The following SEM1 variants were observed in gnomAD, a reference collection of about 807,000 sequenced individuals.
SEM1 encodes SEM1 26S proteasome subunit.
In SEM1, 3 loss-of-function variants were observed where a neutral mutation model predicts 12.7. The ratio of observed to expected loss-of-function variants is 0.24; its 90% CI spans 0.11 to 0.61. The LOEUF (loss-of-function observed/expected upper bound fraction) is 0.61. Among genes scored for constraint, SEM1 ranks in the 20% least tolerant of loss-of-function variants. SEM1 has a pLI of 0.88. For synonymous variants in SEM1, 30 were observed against 27.8 expected (o/e 1.08, Z -0.25); for missense variants, 59 against 81.3 (o/e 0.73, Z 1.06).
intron 2 of SEM1, among the ~76,000 whole-genome samples, chr7:96,662,109 T>A (rs1252193364): frequency 6.6e-6 from 1 of 151,594 alleles, no homozygotes; most frequent in East Asian, 2.0e-4. Context: ...TGGCAGACAC[T>A]ATGGCGATTC....
rs61358949 is a variant in SEM1, at chr7:96,600,102, T to A, written c.171-93404A>T. Among the ~76,000 whole-genome samples, 602 of 152,318 alleles carry A rather than the reference T, an allele frequency of 4.0e-3. 7 individuals carry two copies. Among genetic ancestry groups the A allele is most frequent in the African/African-American group, 0.013 (557 of 41,574 alleles). Reference sequence around the variant, plus strand: ...GGAACTTTAAAAATGTGAATTTACATACTTTTAAATGCCATTTCTGATTTG... The same window carrying A: ...GGAACTTTAAAAATGTGAATTTACAAACTTTTAAATGCCATTTCTGATTTG... On this transcript the variant is annotated intron_variant and NMD_transcript_variant, in intron 2 of 3. Coordinates refer to the SEM1 transcript ENST00000466986.
chr7:96,511,009 A>C (rs1293815809), intron 2 of SEM1, among the ~76,000 whole-genome samples: 1 of 152,126 alleles, frequency 6.6e-6, no homozygotes, highest in Non-Finnish European at 1.5e-5. Context: ...CAGCCACTGG[A>C]ACCACCATCA....
In SEM1 at chr7:96,709,675, G is replaced by A. The variant is rs941146508; in HGVS notation, c.76+13C>T. 3 of 1,612,512 alleles carry A rather than the reference G, an allele frequency of 1.9e-6. No homozygotes were observed. Among genetic ancestry groups the A allele is most frequent in the South Asian group, 1.1e-5 (1 of 91,018 alleles). On this transcript the variant is annotated intron_variant, in intron 1 of 2. Transcript: ENST00000248566. ...CCGTTCGCGCGACACAGAAACCGGG[G>A]CCCAGCGGTTACCTTCGGCAGGGAA...
At chr7:96,599,469 C>T (rs569582839) in intron 2 of SEM1, among the ~76,000 whole-genome samples, 1 of 152,316 alleles carries the variant, frequency 6.6e-6, no homozygotes, top group South Asian at 2.1e-4. Context: ...CGGCTACTTG[C>T]CTCATTCCCA....
At position 96,557,860 on chromosome 7, in the gene SEM1, C is replaced by A. The variant is rs1805573033; in HGVS notation, c.171-51162G>T. 3.3e-5 allele frequency among the ~76,000 whole-genome samples: 5 copies of A among 152,182 alleles called. No individual in the cohort carries two copies. The South Asian group carries it at 1.0e-3, about 32-fold the overall frequency. On this transcript the variant is annotated intron_variant and NMD_transcript_variant, in intron 2 of 3. Coordinates refer to the SEM1 transcript ENST00000466986. ...TCAGCCAGGCTCCGTGGGCGTAGGA[C>A]CCTCCGAGCCAGGTGTGGGATATAA...
downstream of SEM1, among the ~76,000 whole-genome samples, chr7:96,685,919 A>C (rs952803841): frequency 6.6e-6 from 1 of 152,106 alleles, no homozygotes; most frequent in African/African-American, 2.4e-5. Context: ...AACTTAACAC[A>C]CAACTAATAA....
chr7:96,488,478 T>C (rs931078423), intron 1 of SEM1, among the ~76,000 whole-genome samples: 2 of 152,138 alleles, frequency 1.3e-5, no homozygotes, highest in Admixed American at 1.3e-4. Flanking sequence ...AATGCAATAG[T>C]AGGGCCATAA....
downstream of SEM1, among the ~76,000 whole-genome samples, chr7:96,671,648 A>G (rs1789320312): frequency 3.3e-5 from 5 of 152,186 alleles, no homozygotes; most frequent in Admixed American, 3.3e-4. Flanking sequence ...CAAAAAAGGA[A>G]TTCTTACAGT....
chr7:96,700,341 G>A (rs1270326550), intron 1 of SEM1, among the ~76,000 whole-genome samples: 1 of 152,072 alleles, frequency 6.6e-6, no homozygotes, highest in Non-Finnish European at 1.5e-5. Context: ...AAGGATTAAG[G>A]ATATTTGGTA....
At chr7:96,604,071 G>A (rs1412900940) in intron 2 of SEM1, among the ~76,000 whole-genome samples, 7 of 152,106 alleles carry the variant, frequency 4.6e-5, no homozygotes, top group Non-Finnish European at 1.0e-4. Flanking sequence ...CAGATGGGGT[G>A]TAAAAAATCA....
chr7:96,604,862 C>T (rs147904340), intron 2 of SEM1, among the ~76,000 whole-genome samples: 3,022 of 150,670 alleles, frequency 0.02, 86 homozygotes, highest in African/African-American at 0.069. Context: ...GAGGTTGCAG[C>T]GAGCCAAGAT....
chr7:96,641,142 GA>G (rs928144764), intron 2 of SEM1, among the ~76,000 whole-genome samples: 12 of 146,574 alleles, frequency 8.2e-5, no homozygotes, highest in African/African-American at 3.0e-4. Flanking sequence ...ATAGGGAGCC[GA>G]AAAAAAATAA....
At chr7:96,567,450 T>C (rs1805876137) in intron 2 of SEM1, among the ~76,000 whole-genome samples, 1 of 151,634 alleles carries the variant, frequency 6.6e-6, no homozygotes, top group Non-Finnish European at 1.5e-5. Context: ...AATTTAATCA[T>C]ATATGTAAAT....
At chr7:96,657,027 T>C (rs1809205098) in intron 2 of SEM1, among the ~76,000 whole-genome samples, 1 of 152,160 alleles carries the variant, frequency 6.6e-6, no homozygotes, top group African/African-American at 2.4e-5. Flanking sequence ...CGTAAGCCCT[T>C]TAAAATATGC....
intron 2 of SEM1, among the ~76,000 whole-genome samples, chr7:96,530,860 G>T (rs997489783): frequency 6.6e-6 from 1 of 152,096 alleles, no homozygotes; most frequent in Admixed American, 6.5e-5. Context: ...ATCCATGTGG[G>T]TTGGGGTGAG....
chr7:96,662,882 C>T lies in SEM1; in HGVS notation c.170+31916G>A, dbSNP rs140846908. On this transcript the variant is annotated intron_variant, in intron 2 of 2. Transcript: ENST00000417009. ...CAATATAGGAGAATATTTTGTTGAA[C>T]ACATGTTCCTGAACAAGATGTAGAA... 5.0e-3 allele frequency among the ~76,000 whole-genome samples: 759 copies of T among 152,190 alleles called. 7 individuals carry two copies. Among genetic ancestry groups the T allele is most frequent in the African/African-American group, 0.017 (723 of 41,528 alleles).
intron 2 of SEM1, among the ~76,000 whole-genome samples, chr7:96,631,593 T>C (rs1190657708): frequency 6.6e-6 from 1 of 152,076 alleles, no homozygotes; most frequent in African/African-American, 2.4e-5. Context: ...CCTAAAATCA[T>C]AAAAACCCTA....
intron 2 of SEM1, among the ~76,000 whole-genome samples, chr7:96,623,295 A>C (rs902276388): frequency 2.0e-5 from 3 of 152,052 alleles, no homozygotes; most frequent in Non-Finnish European, 4.4e-5. Flanking sequence ...TTCAGGCTAA[A>C]CCACACCACC....
chr7:96,709,130 T>C (rs1563123680), intron 1 of SEM1, among the ~76,000 whole-genome samples: 1 of 152,128 alleles, frequency 6.6e-6, no homozygotes, highest in African/African-American at 2.4e-5. Context: ...TAGGGTCTTA[T>C]AAAGCATTAA....
Sources: gnomAD v4.1 joint callset for allele counts (sites outside exome capture counted in the v4.1 genomes callset) on GRCh38, gnomAD v4.1.1 for gene constraint, MANE v1.5 for transcripts, NCBI Gene and HGNC (gene_info 2026-07-23, HGNC 2026-07-21) for gene names.